KCNB2: variants seen among roughly 807,000 people sequenced by gnomAD.
KCNB2 encodes potassium voltage-gated channel subfamily B member 2.
In KCNB2, 15 loss-of-function variants were observed where a neutral mutation model predicts 61.5. That is an observed-to-expected ratio of 0.24 (90% CI 0.16 to 0.38). The LOEUF is 0.38. KCNB2 is among the 10% of genes least tolerant of loss of function. The pLI, the probability that KCNB2 is intolerant of heterozygous loss-of-function variation, is 1.00. For missense variants in KCNB2, 828 were observed against 1,125.2 expected, an observed-to-expected ratio of 0.74 and a Z score of 3.78; for synonymous variants, 457 against 446.0, an observed-to-expected ratio of 1.02 and a Z score of -0.31.
At chr8:72,541,158 G>C (rs897725713) in intron 1 of KCNB2, among the ~76,000 whole-genome samples, 2 of 151,466 alleles carry the variant, frequency 1.3e-5, no homozygotes, top group Non-Finnish European at 3.0e-5. Flanking sequence ...GCATTTGGCA[G>C]TTGTTATAAA....
At chr8:72,568,344 T>G in intron 2 of KCNB2, 31 bp downstream of exon 2, 1 of 1,556,266 alleles carries the variant, frequency 6.4e-7, no homozygotes, top group Non-Finnish European at 8.7e-7. Flanking sequence ...CTTGCCTGTG[T>G]GTGGTCAGAA....
chr8:72,818,801 C>T (rs958409631), intron 2 of KCNB2, among the ~76,000 whole-genome samples: 1 of 151,762 alleles, frequency 6.6e-6, no homozygotes, highest in Admixed American at 6.6e-5. Context: ...ACTGACTTCT[C>T]TCTCATTTCT....
intron 2 of KCNB2, among the ~76,000 whole-genome samples, chr8:72,626,141 G>A (rs557101445): frequency 6.6e-6 from 1 of 152,246 alleles, no homozygotes; most frequent in South Asian, 2.1e-4. Flanking sequence ...TAGTTCTAGT[G>A]TCCAGACAAG....
At chr8:72,910,667 A>G (rs1279878077) in intron 2 of KCNB2, among the ~76,000 whole-genome samples, 2 of 152,210 alleles carry the variant, frequency 1.3e-5, no homozygotes, top group African/African-American at 4.8e-5. Context: ...GGGACAAGTT[A>G]GGATCAGTGA....
intron 2 of KCNB2, among the ~76,000 whole-genome samples, chr8:72,572,948 C>T (rs1347072440): frequency 1.3e-5 from 2 of 152,144 alleles, no homozygotes; most frequent in Non-Finnish European, 2.9e-5. Context: ...ACCTGAAGGG[C>T]CAGGAGACCT....
intron 2 of KCNB2, among the ~76,000 whole-genome samples, chr8:72,612,446 T>C (rs16919282): frequency 0.027 from 4,095 of 152,320 alleles, 73 homozygotes; most frequent in South Asian, 0.079. Flanking sequence ...GAGTCAGATA[T>C]TGCTTCCAGT....
At chr8:72,647,845 C>A (rs182590739) in intron 2 of KCNB2, among the ~76,000 whole-genome samples, 341 of 152,240 alleles carry the variant, frequency 2.2e-3, no homozygotes, top group African/African-American at 7.7e-3. Context: ...AGGTTCTAAC[C>A]TTCCTAATGA....
At chr8:72,917,112 T>G (rs967907475) in intron 2 of KCNB2, among the ~76,000 whole-genome samples, 1 of 152,224 alleles carries the variant, frequency 6.6e-6, no homozygotes, top group Non-Finnish European at 1.5e-5. Context: ...TCTGTCCCTA[T>G]CAGTTTCTAG....
intron 2 of KCNB2, among the ~76,000 whole-genome samples, chr8:72,918,634 T>A (rs1806446099): frequency 6.6e-6 from 1 of 152,196 alleles, no homozygotes; most frequent in African/African-American, 2.4e-5. Flanking sequence ...GCAAAATGAA[T>A]TTTGTATATT....
At chr8:72,685,448 C>T (rs1806834572) in intron 2 of KCNB2, among the ~76,000 whole-genome samples, 1 of 151,990 alleles carries the variant, frequency 6.6e-6, no homozygotes, top group South Asian at 2.1e-4. Flanking sequence ...TTGAATCGTA[C>T]CAACACGGTG....
rs571759432 is a variant in KCNB2 at position 72,716,432 on chromosome 8, A to T, written c.579+148119A>T. Among the ~76,000 whole-genome samples the T allele has an allele frequency of 4.6e-5, 7 of 152,354 alleles. No homozygotes were observed. In the South Asian group the frequency reaches 1.5e-3, roughly 32 times the overall value. ...TCCTCAATAAAATATTGGCAAGCCG[A>T]ATCCAGCAACCCATCAAAAAGCTTA... On this transcript the variant is annotated intron_variant, in intron 2 of 2. Transcript: ENST00000523207.
intron 2 of KCNB2, among the ~76,000 whole-genome samples, chr8:72,576,874 G>T (rs2128979870): frequency 6.6e-6 from 1 of 152,264 alleles, no homozygotes. Context: ...GCTATTTATG[G>T]ATGAATGAGG....
At chr8:72,804,873 T>C (rs1320870642) in intron 2 of KCNB2, among the ~76,000 whole-genome samples, 2 of 151,916 alleles carry the variant, frequency 1.3e-5, no homozygotes, top group African/African-American at 4.8e-5. Context: ...TTGGACTGAG[T>C]GAGAGAAATG....
chr8:72,680,839 G>A (rs898321124), intron 2 of KCNB2, among the ~76,000 whole-genome samples: 9 of 152,168 alleles, frequency 5.9e-5, no homozygotes, highest in African/African-American at 2.2e-4. Flanking sequence ...GCTGGGTTCT[G>A]CTGCACAATC....
rs1177770345 is a variant in KCNB2, at chr8:72,568,283, G to A, written c.549G>A (p.Leu183=). The A allele has an allele frequency of 6.2e-7, 1 of 1,612,370 alleles. No homozygotes were observed. Among genetic ancestry groups the A allele is most frequent in the Non-Finnish European group, 8.5e-7 (1 of 1,179,546 alleles). ...PDKRKKLWDL[L]EKPNSSVAAK... ...AAAGGAAGAAACTGTGGGACTTGCT[G>A]GAGAAACCTAACTCATCAGTGGCTG... is the stretch of plus-strand genomic sequence containing the variant. The change falls in exon 2 of 3, where the codon CTG becomes CTA. Residue 183 remains leucine (L), a synonymous_variant. Transcript: ENST00000523207.
chr8:72,890,575 C>G (rs991020893), intron 2 of KCNB2, among the ~76,000 whole-genome samples: 1 of 152,160 alleles, frequency 6.6e-6, no homozygotes, highest in African/African-American at 2.4e-5. Flanking sequence ...CCACAAGAAC[C>G]AGCAGCACCC....
At chr8:72,832,403 AG>A (rs926530871) in intron 2 of KCNB2, among the ~76,000 whole-genome samples, 8 of 152,220 alleles carry the variant, frequency 5.3e-5, no homozygotes, top group African/African-American at 1.7e-4. Context: ...CAGTTTTAGA[AG>A]GATTGGAGGC....
chr8:72,734,925 A>G (rs113587869), intron 2 of KCNB2, among the ~76,000 whole-genome samples: 11 of 152,304 alleles, frequency 7.2e-5, no homozygotes, highest in African/African-American at 2.6e-4. Context: ...GGCAGCTTGT[A>G]CTGTAAGAAG....
chr8:72,843,712 A>G (rs532608709), intron 2 of KCNB2, among the ~76,000 whole-genome samples: 29 of 151,758 alleles, frequency 1.9e-4, no homozygotes, highest in African/African-American at 7.0e-4. Flanking sequence ...GTCTTTCTTG[A>G]TCTTTGTTGG....
Sources: gnomAD v4.1 joint callset for allele counts (sites outside exome capture counted in the v4.1 genomes callset) on GRCh38, gnomAD v4.1.1 for gene constraint, MANE v1.5 for transcripts, NCBI Gene and HGNC (gene_info 2026-07-23, HGNC 2026-07-21) for gene names.